Variants in SLC49A3 observed in about 807,000 individuals in gnomAD.
SLC49A3 encodes solute carrier family 49 member A3.
SLC49A3 carries 50 observed loss-of-function variants against 43.8 expected under a neutral mutation model. That is an observed-to-expected ratio of 1.14 (90% CI 0.91 to 1.45). The LOEUF (loss-of-function observed/expected upper bound fraction) is 1.45. Ranked by LOEUF, SLC49A3 falls within the 40% of genes most tolerant of loss-of-function variation. The pLI, the probability that SLC49A3 is intolerant of heterozygous loss-of-function variation, is 0.00. For missense variants in SLC49A3, 906 were observed against 774.1 expected (o/e 1.17, Z -2.02); for synonymous variants, 413 against 352.0 (o/e 1.17, Z -1.94).
downstream of SLC49A3, chr4:677,870 T>A (rs1032191512): frequency 7.8e-7 from 1 of 1,287,638 alleles, no homozygotes; most frequent in Admixed American, 1.7e-5. Flanking sequence ...CTGCCAAAGC[T>A]CACTCTGCAG....
At chr4:689,441 G>C (rs1741673737), upstream of SLC49A3, 2 of 220,536 alleles carry the variant, frequency 9.1e-6, no homozygotes, top group Non-Finnish European at 1.8e-5. Flanking sequence ...GTGCTTCTCA[G>C]CAGGAAAGGC....
chr4:681,610 CT>C, downstream of SLC49A3, among the ~76,000 whole-genome samples: 1 of 122,736 alleles, frequency 8.1e-6, no homozygotes, highest in Non-Finnish European at 1.7e-5. Flanking sequence ...GCCCCGCCCC[CT>C]CCAGCGCCGC....
In SLC49A3 at chr4:682,377, C is replaced by T; in HGVS notation, c.1262-1G>A. On this transcript the variant is annotated splice_acceptor_variant, in intron 9 of 9. Coordinates refer to ENST00000322224, the MANE Select transcript of SLC49A3 (RefSeq NM_032219.4). LOFTEE classifies it high-confidence loss of function. The stretch of plus-strand genomic sequence containing the variant: ...AGGCCGGCCATCAGCAGCAGAGACA[C>T]TGGGGACACATAGCACAGCTGTCCC... 1.5e-6 allele frequency: 2 copies of T among 1,335,264 alleles called. No individual in the cohort carries two copies. The highest frequency in any genetic ancestry group is 2.8e-5 in the East Asian group (1 of 35,812). The allele number at this position is 1,335,264 out of a possible 1,614,324, so 82.7% of individuals were successfully genotyped here. A position where few individuals can be genotyped will look rare whatever the true frequency, so the allele number is the denominator to read the frequency against.
downstream of SLC49A3, chr4:680,861 A>C: frequency 1.6e-6 from 1 of 638,542 alleles, no homozygotes; most frequent in South Asian, 1.9e-5. Flanking sequence ...GGAAAGTACC[A>C]GGCGCTGGCC....
downstream of SLC49A3, chr4:678,772 CT>C: frequency 1.2e-6 from 2 of 1,608,836 alleles, no homozygotes; most frequent in Non-Finnish European, 1.7e-6. Flanking sequence ...GGAGGTGAGA[CT>C]TTCCTGCTTC....
chr4:676,886 G>A (rs995339648), downstream of SLC49A3: 9 of 985,382 alleles, frequency 9.1e-6, no homozygotes, highest in Non-Finnish European at 9.6e-6. Context: ...AACCTCAGGA[G>A]TCAGTGCTTC....
chr4:691,191 AAG>A (rs1741857719), upstream of SLC49A3, among the ~76,000 whole-genome samples: 1 of 151,994 alleles, frequency 6.6e-6, no homozygotes, highest in Admixed American at 6.6e-5. Context: ...AGGCTGAGGT[AAG>A]AGAATCTCGA....
At chr4:681,177 G>A, downstream of SLC49A3, 1 of 1,588,532 alleles carries the variant, frequency 6.3e-7, no homozygotes, top group African/African-American at 1.3e-5. Flanking sequence ...CCCACGAGGG[G>A]AGGGCGGGGC....
intron 7 of SLC49A3, 88 bp downstream of exon 7, chr4:683,521 C>G (rs1740295697): frequency 6.6e-7 from 1 of 1,513,804 alleles, no homozygotes; most frequent in Non-Finnish European, 8.9e-7. Context: ...GTCCAGACCT[C>G]TGTTCCAGCC....
chr4:684,962 A>ACCTC (rs1740695951), intron 4 of SLC49A3, 106 bp from the exon 5 acceptor site: 1 of 1,436,282 alleles, frequency 7.0e-7, no homozygotes, highest in African/African-American at 1.5e-5. Flanking sequence ...CTGCCCCACC[A>ACCTC]CCGGCTGCCT....
chr4:687,261 G>A (rs1402719962), intron 1 of SLC49A3: 1 of 152,600 alleles, frequency 6.6e-6, no homozygotes, highest in Non-Finnish European at 1.5e-5. Flanking sequence ...CATCCCTGAG[G>A]GAGGCCAAAG....
chr4:677,435 TC>T (rs1286157323), downstream of SLC49A3, among the ~76,000 whole-genome samples: 1 of 152,170 alleles, frequency 6.6e-6, no homozygotes, highest in East Asian at 1.9e-4. Flanking sequence ...CCATGGCTCC[TC>T]CAACCCAGAA....
intron 9 of SLC49A3, 111 bp from the exon 10 acceptor site, chr4:682,487 C>G: frequency 8.6e-7 from 1 of 1,157,440 alleles, no homozygotes; most frequent in Non-Finnish European, 1.1e-6. Context: ...AGAGTGACCC[C>G]AGACGGAGAG....
intron 1 of SLC49A3, among the ~76,000 whole-genome samples, chr4:687,560 A>G (rs1741302146): frequency 6.6e-6 from 1 of 152,156 alleles, no homozygotes; most frequent in Non-Finnish European, 1.5e-5. Flanking sequence ...TGCGGAGCCG[A>G]GCCCGCCGCT....
Position 686,112 on chromosome 4 carries a change from G to A in SLC49A3, c.485C>T (p.Thr162Met), listed in dbSNP as rs762958700. 21 of 1,613,074 alleles carry A rather than the reference G, an allele frequency of 1.3e-5. No homozygotes were observed. The highest frequency in any genetic ancestry group is 1.4e-5 in the Non-Finnish European group (17 of 1,179,944). Residue 162 changes from threonine to methionine, a missense_variant, in exon 3 of 10, where the codon ACG becomes ATG. Transcript: ENST00000322224. ...ACACATGGTGGCGAGCATGTTGGCC[G>A]TGGCTCGCTGGTGCTCTGGGAACCA... is the stretch of plus-strand genomic sequence containing the variant. ...ALWFPEHQRA[T>M]ANMLATMSNP...
downstream of SLC49A3, chr4:679,766 A>C: frequency 1.5e-6 from 1 of 651,900 alleles, no homozygotes; most frequent in South Asian, 1.9e-5. Context: ...AGATGCACCC[A>C]CTGCCCCACG....
chr4:684,441 G>A (rs746261522), intron 6 of SLC49A3, 42 bp downstream of exon 6: 37 of 1,607,892 alleles, frequency 2.3e-5, no homozygotes, highest in East Asian at 4.5e-5. Flanking sequence ...CATATGGGGC[G>A]GATGACAGAG....
downstream of SLC49A3, chr4:678,886 G>A (rs117750622): frequency 0.016 from 26,093 of 1,609,774 alleles, 307 homozygotes; most frequent in Middle Eastern, 0.049. Context: ...GGGGTGCTGA[G>A]GAACCGGGAG....
chr4:678,220 G>A (rs1413542728), downstream of SLC49A3: 3 of 1,500,952 alleles, frequency 2.0e-6, no homozygotes, highest in South Asian at 3.9e-5. Flanking sequence ...GCGGGTGTGG[G>A]CTGTGCTGTG....
Sources: gnomAD v4.1 joint callset for allele counts (sites outside exome capture counted in the v4.1 genomes callset) on GRCh38, gnomAD v4.1.1 for gene constraint, MANE v1.5 for transcripts, NCBI Gene and HGNC (gene_info 2026-07-23, HGNC 2026-07-21) for gene names.